GLI3: variants seen among roughly 807,000 people sequenced by gnomAD.
GLI3 encodes the protein transcription activator GLI3.
In GLI3, 20 loss-of-function variants were observed where a neutral mutation model predicts 100.8. The ratio of observed to expected loss-of-function variants is 0.20; its 90% confidence interval spans 0.14 to 0.29. The LOEUF is 0.29. GLI3 is among the 10% of genes least tolerant of loss of function. The pLI, the probability that GLI3 is intolerant of heterozygous loss-of-function variation, is 1.00. For missense variants in GLI3, 2,040 were observed against 2,128.5 expected (o/e 0.96, Z 0.82); for synonymous variants, 938 against 860.5 (o/e 1.09, Z -1.58).
intron 2 of GLI3, among the ~76,000 whole-genome samples, chr7:42,222,157 A>G (rs984583363): frequency 6.6e-6 from 1 of 152,240 alleles, no homozygotes; most frequent in Non-Finnish European, 1.5e-5. Context: ...GTTACCTTCC[A>G]AAGGAGATTC....
At chr7:42,033,297 C>T (rs846331) in intron 7 of GLI3, among the ~76,000 whole-genome samples, 78,494 of 152,102 alleles carry the variant, frequency 0.52, 21,552 homozygotes, top group African/African-American at 0.72. Flanking sequence ...TAAAACACTT[C>T]TTCCAATTGC....
chr7:42,199,268 G>A (rs1320479201), intron 2 of GLI3, among the ~76,000 whole-genome samples: 1 of 152,146 alleles, frequency 6.6e-6, no homozygotes, highest in Non-Finnish European at 1.5e-5. Flanking sequence ...GCCTGCTTTG[G>A]AGCAGATGAA....
At chr7:42,133,367 T>C (rs968515285) in intron 3 of GLI3, among the ~76,000 whole-genome samples, 14 of 152,160 alleles carry the variant, frequency 9.2e-5, no homozygotes, top group African/African-American at 3.4e-4. Flanking sequence ...AGCATTAGTG[T>C]TGCCGATGCC....
intron 8 of GLI3, 49 bp downstream of exon 8, chr7:42,026,150 C>A (rs1286925921): frequency 2.2e-6 from 3 of 1,353,400 alleles, no homozygotes; most frequent in Non-Finnish European, 2.1e-6. Flanking sequence ...GGCCTGCCCC[C>A]ACCCTCGGCT....
intron 10 of GLI3, among the ~76,000 whole-genome samples, chr7:41,996,176 T>G (rs1243639827): frequency 6.6e-6 from 1 of 152,248 alleles, no homozygotes; most frequent in Non-Finnish European, 1.5e-5. Flanking sequence ...GTTCATACAT[T>G]TGTATAAACT....
chr7:42,263,806 G>T (rs536573151), intron 1 of GLI3, among the ~76,000 whole-genome samples: 1 of 152,226 alleles, frequency 6.6e-6, no homozygotes, highest in African/African-American at 2.4e-5. Context: ...GCAAGTGTCT[G>T]GTGGGGTTAG....
intron 10 of GLI3, among the ~76,000 whole-genome samples, chr7:42,001,307 G>A (rs1273197417): frequency 6.8e-6 from 1 of 147,200 alleles, no homozygotes; most frequent in African/African-American, 2.5e-5. Flanking sequence ...AAAGAGGAAA[G>A]CACAAGTTAA....
chr7:42,088,035 G>A (rs988635424), intron 3 of GLI3, among the ~76,000 whole-genome samples: 4 of 152,072 alleles, frequency 2.6e-5, no homozygotes, highest in Admixed American at 6.6e-5. Context: ...AGAATCCCCC[G>A]CTGCTTAGAA....
intron 1 of GLI3, among the ~76,000 whole-genome samples, chr7:42,256,223 A>G (rs1290696870): frequency 1.3e-5 from 2 of 152,086 alleles, no homozygotes; most frequent in Non-Finnish European, 2.9e-5. Context: ...ATGATTTGCA[A>G]ATATTGTCTC....
chr7:42,084,489 G>A (rs554231356), intron 3 of GLI3, among the ~76,000 whole-genome samples: 1 of 152,216 alleles, frequency 6.6e-6, no homozygotes, highest in Non-Finnish European at 1.5e-5. Flanking sequence ...CTACGTACTG[G>A]CTGACCAGCC....
At chr7:41,984,169 C>A (rs1359835759) in intron 10 of GLI3, among the ~76,000 whole-genome samples, 1 of 152,138 alleles carries the variant, frequency 6.6e-6, no homozygotes, top group Non-Finnish European at 1.5e-5. Context: ...GAAAGTGAAG[C>A]TTTTCTTTCA....
intron 5 of GLI3, among the ~76,000 whole-genome samples, chr7:42,047,989 GATTCATAGACACACTA>G (rs1280133193): frequency 6.6e-6 from 1 of 152,152 alleles, no homozygotes; most frequent in African/African-American, 2.4e-5. Context: ...CTCCCCAGGT[GATTCATAGACACACTA>G]GAGTTTGGGA....
chr7:42,048,370 G>C, intron 5 of GLI3, 121 bp downstream of exon 5: 1 of 776,496 alleles, frequency 1.3e-6, no homozygotes, highest in Non-Finnish European at 2.3e-6. Flanking sequence ...AAGGCACAGA[G>C]CACAGCGCCT....
upstream of GLI3, among the ~76,000 whole-genome samples, chr7:42,238,909 A>T (rs1788891820): frequency 6.6e-6 from 1 of 152,202 alleles, no homozygotes; most frequent in Admixed American, 6.5e-5. Context: ...TCTTGACTGA[A>T]GGAAGAGTGT....
At chr7:42,103,612 CT>C (rs1785512731) in intron 3 of GLI3, among the ~76,000 whole-genome samples, 2 of 152,208 alleles carry the variant, frequency 1.3e-5, no homozygotes, top group African/African-American at 4.8e-5. Context: ...AGCTATTACA[CT>C]TTGGCCAAGT....
At chr7:42,260,759 G>A (rs192325601) in intron 1 of GLI3, among the ~76,000 whole-genome samples, 3 of 152,150 alleles carry the variant, frequency 2.0e-5, no homozygotes, top group African/African-American at 7.2e-5. Context: ...AAGTGAACAT[G>A]GCAACAAAAG....
rs559023936 is a variant in GLI3, at chr7:41,986,602, C to A, written c.1498-7854G>T. Among the ~76,000 whole-genome samples, 11 of 152,140 alleles carry A rather than the reference C, an allele frequency of 7.2e-5. No homozygotes were observed. In the South Asian group the frequency reaches 2.3e-3, roughly 32 times the overall value. ...CCAGTCCAAGAAAAGATAAATACTG[C>A]ATGATTCCATTTATATGAGTATCCA... On this transcript the variant is annotated intron_variant, in intron 10 of 14. Transcript: ENST00000395925.
chr7:42,166,569 G>A (rs1008123578), intron 2 of GLI3, among the ~76,000 whole-genome samples: 2 of 151,860 alleles, frequency 1.3e-5, no homozygotes, highest in East Asian at 1.9e-4. Flanking sequence ...CCAGTTGGGG[G>A]GTTGGAGGGA....
intron 2 of GLI3, chr7:42,172,748 A>G: frequency 1.6e-6 from 1 of 641,716 alleles, no homozygotes; most frequent in Admixed American, 2.4e-5. Context: ...TAAAGTTAAC[A>G]CATTTCATTA....
Sources: gnomAD v4.1 joint callset for allele counts (sites outside exome capture counted in the v4.1 genomes callset) on GRCh38, gnomAD v4.1.1 for gene constraint, MANE v1.5 for transcripts, NCBI Gene and HGNC (gene_info 2026-07-23, HGNC 2026-07-21) for gene names.